Variants in KTN1 observed in about 807,000 individuals in gnomAD.
KTN1 encodes the protein kinectin.
Under a neutral mutation model 222.5 loss-of-function variants are expected in KTN1, and 130 were observed. The observed-to-expected ratio is 0.58, with a 90% confidence interval of 0.51 to 0.68. KTN1 has a LOEUF of 0.68. KTN1 is among the 30% of genes least tolerant of loss of function. KTN1 has a pLI of 0.00. For missense variants in KTN1, 1,508 were observed against 1,500.4 expected (o/e 1.01, Z -0.08); for synonymous variants, 512 against 496.3 (o/e 1.03, Z -0.42).
At chr14:55,587,525 A>G (rs2033253309) in intron 1 of KTN1, among the ~76,000 whole-genome samples, 2 of 152,354 alleles carry the variant, frequency 1.3e-5, no homozygotes, top group South Asian at 4.1e-4. Flanking sequence ...TCTGAATGCT[A>G]TGTTGCAGAA....
chr14:55,664,193 C>G (rs1020342051), intron 33 of KTN1, 152 bp downstream of exon 33: 1 of 584,930 alleles, frequency 1.7e-6, no homozygotes, highest in Non-Finnish European at 3.0e-6. Context: ...CTTTTTTCAT[C>G]TACTCCTTGA....
chr14:55,668,746 T>A (rs562719942), intron 34 of KTN1: 103 of 152,242 alleles, frequency 6.8e-4, no homozygotes, highest in African/African-American at 2.3e-3. Flanking sequence ...ATACATTTCC[T>A]GCCCCAAACA....
chr14:55,651,833 C>T, intron 24 of KTN1, 57 bp from the exon 25 acceptor site: 1 of 1,126,336 alleles, frequency 8.9e-7, no homozygotes, highest in South Asian at 1.3e-5. Flanking sequence ...ACTTATAAAG[C>T]TTAATAAGTT....
chr14:55,580,514 T>A (rs533420853), intron 1 of KTN1, among the ~76,000 whole-genome samples, 160 bp downstream of exon 1: 88 of 148,968 alleles, frequency 5.9e-4, no homozygotes, highest in African/African-American at 2.1e-3. Flanking sequence ...GCCTCGGGCA[T>A]CCGGTTGCCG....
chr14:55,639,925 G>A lies in KTN1; in HGVS notation c.1836G>A (p.Lys612=), dbSNP rs758205160. Reference sequence around the variant, plus strand: ...TTTCCTTCTAAAGGATTGCAGAAAAGGATAAGCAGATAAAACAGACTGAAG... The same window carrying A: ...TTTCCTTCTAAAGGATTGCAGAAAAAGATAAGCAGATAAAACAGACTGAAG... ...AEELHKVIAE[K]DKQIKQTEDS... The change falls in exon 14 of 44, where the codon AAG becomes AAA. Residue 612 remains lysine, a synonymous_variant. Coordinates refer to ENST00000395314, the MANE Select transcript of KTN1 (RefSeq NM_001079521.2). 6 of 1,599,290 alleles carry A rather than the reference G, an allele frequency of 3.8e-6. No individual in the cohort carries two copies. Among genetic ancestry groups the A allele is most frequent in the African/African-American group, 1.3e-5 (1 of 74,520 alleles).
Position 55,672,645 on chromosome 14 carries a change from A to T in KTN1, c.3547A>T (p.Thr1183Ser). ...KTIKQMQSSF[T>S]SSEQELERLR... Reference sequence around the variant, plus strand: ...CACATTTCAGATGCAGTCATCATTTACATCTTCAGAACAAGAGCTAGAGCG... The same window carrying T: ...CACATTTCAGATGCAGTCATCATTTTCATCTTCAGAACAAGAGCTAGAGCG... Residue 1183 changes from threonine to serine, a missense_variant, in exon 38 of 44, where the codon ACA becomes TCA. By Grantham distance (58) the Thr-to-Ser change is moderately conservative. Transcript: ENST00000395314. The T allele has an allele frequency of 6.2e-7, 1 of 1,604,524 alleles. No individual in the cohort carries two copies. Among genetic ancestry groups the T allele is most frequent in the Non-Finnish European group, 8.5e-7 (1 of 1,171,844 alleles).
chr14:55,597,939 T>A (rs1309357735), intron 1 of KTN1, among the ~76,000 whole-genome samples: 1 of 151,958 alleles, frequency 6.6e-6, no homozygotes, highest in Admixed American at 6.5e-5. Flanking sequence ...GAAAAAAAAA[T>A]TCAGGCTTTC....
chr14:55,653,767 A>G (rs975330593), intron 28 of KTN1, among the ~76,000 whole-genome samples, 171 bp downstream of exon 28: 2 of 152,204 alleles, frequency 1.3e-5, no homozygotes, highest in Admixed American at 1.3e-4. Flanking sequence ...AATAAAGGTT[A>G]TTTAAATGCT....
chr14:55,671,110 C>T (rs1041778072), intron 35 of KTN1, among the ~76,000 whole-genome samples: 1 of 152,044 alleles, frequency 6.6e-6, no homozygotes, highest in Non-Finnish European at 1.5e-5. Context: ...AAAGATTAGT[C>T]GAGATAGGTA....
Position 55,595,118 on chromosome 14 carries a change from C to T in KTN1, c.-31+14764C>T, listed in dbSNP as rs538788737. ...GACTTTCTTGCTCTGCATATGTACA[C>T]GAAGCATATCTAGGTTCATCCAGTG... On this transcript the variant is annotated intron_variant, in intron 1 of 43. Coordinates refer to ENST00000395314, the MANE Select transcript of KTN1 (RefSeq NM_001079521.2). Among the ~76,000 whole-genome samples the T allele has an allele frequency of 1.1e-4, 16 of 152,298 alleles. 1 individual carries two copies. Among genetic ancestry groups the T allele is most frequent in the Middle Eastern group, 3.4e-3 (1 of 294 alleles).
rs2040500212 is a variant in KTN1, at chr14:55,631,343, TATATATATATATATA to T, written c.1221+1247_1221+1261del. On this transcript the variant is annotated intron_variant, in intron 7 of 43. Transcript: ENST00000395314. ...AAAACTCACCTATTGATAAGGTTGA[TATATATATATATATA>T]TATATATATATGTATTTTTTTTCAG... Among the ~76,000 whole-genome samples, 8 of 98,994 alleles carry T rather than the reference TATATATATATATATA, an allele frequency of 8.1e-5. 1 individual carries two copies. The East Asian group carries it at 1.9e-3, about 24-fold the overall frequency. 64.9% of individuals were successfully genotyped at this position (98,994 alleles called of 152,430 possible). A position where few individuals can be genotyped will look rare whatever the true frequency, so the allele number is the denominator to read the frequency against.
At chr14:55,640,524 T>G in intron 15 of KTN1, 82 bp downstream of exon 15, 1 of 924,588 alleles carries the variant, frequency 1.1e-6, no homozygotes, top group South Asian at 1.6e-5. Flanking sequence ...TGAGCCCCAA[T>G]TTGATTGTGT....
intron 5 of KTN1, among the ~76,000 whole-genome samples, chr14:55,622,958 T>C (rs2039354745): frequency 6.6e-6 from 1 of 152,234 alleles, no homozygotes; most frequent in Admixed American, 6.5e-5. Flanking sequence ...TGGAGTCTTC[T>C]CTGGTTCTTC....
At chr14:55,664,220 A>T (rs964673174) in intron 33 of KTN1, among the ~76,000 whole-genome samples, 179 bp downstream of exon 33, 1 of 152,126 alleles carries the variant, frequency 6.6e-6, no homozygotes, top group Admixed American at 6.5e-5. Flanking sequence ...AATTTTGGGC[A>T]TGCTGATTTG....
chr14:55,646,506 TTTCCTTTCCTTTCCTTTCC>T (rs2042361165), intron 18 of KTN1, among the ~76,000 whole-genome samples: 5 of 125,498 alleles, frequency 4.0e-5, no homozygotes, highest in Non-Finnish European at 5.3e-5. Context: ...TTTCCTTTCC[TTTCCTTTCCTTTCCTTTCC>T]TTTCCTTTCC....
intron 24 of KTN1, chr14:55,651,383 C>T: frequency 2.2e-6 from 1 of 455,934 alleles, no homozygotes; most frequent in Non-Finnish European, 4.4e-6. Flanking sequence ...AAGGTATTAT[C>T]AGACTGTGTA....
In KTN1 at chr14:55,640,933, G is replaced by A. The variant is rs1464814892; in HGVS notation, c.1984G>A (p.Ala662Thr). The change falls in exon 16 of 44, where the codon GCT becomes ACT. Residue 662 changes from alanine (A) to threonine (T), a missense_variant and splice_region_variant. Physicochemically the swap from Ala to Thr is moderately conservative, Grantham distance 58. Transcript: ENST00000395314. ...CATTTTCTTCTCATTCCACACACAG[G>A]CTGCTGCTGCACATGAATTGGAGAA... ...QKLQALANEQ[A>T]AAAHELEKMQ... 6.2e-7 allele frequency: 1 copy of A among 1,611,222 alleles called. No homozygotes were observed. Among genetic ancestry groups the A allele is most frequent in the South Asian group, 1.1e-5 (1 of 90,888 alleles).
intron 10 of KTN1, 43 bp downstream of exon 10, chr14:55,636,579 G>A: frequency 6.8e-7 from 1 of 1,471,906 alleles, no homozygotes; most frequent in Non-Finnish European, 9.3e-7. Flanking sequence ...ATATAATTTT[G>A]GGTAAAATTT....
intron 9 of KTN1, among the ~76,000 whole-genome samples, chr14:55,635,091 T>A (rs1016526151): frequency 1.3e-5 from 2 of 152,126 alleles, no homozygotes; most frequent in Non-Finnish European, 2.9e-5. Context: ...GGTATTTAAT[T>A]TGATGACTTA....
Sources: allele counts gnomAD v4.1 joint callset (sites outside exome capture counted in the v4.1 genomes callset), GRCh38; gene constraint gnomAD v4.1.1; transcripts MANE v1.5; gene names NCBI Gene and HGNC (gene_info 2026-07-23, HGNC 2026-07-21).